Variants in KIAA1328 observed in about 807,000 individuals in gnomAD.
KIAA1328 encodes the protein KIAA1328, also known as protein hinderin.
In KIAA1328, 52 loss-of-function variants were observed where a neutral mutation model predicts 68.1. The observed-to-expected ratio is 0.76, with a 90% CI of 0.61 to 0.96. KIAA1328 has a LOEUF of 0.96. KIAA1328 is among the 40% of genes least tolerant of loss of function. KIAA1328 has a pLI of 0.00. For synonymous variants in KIAA1328, 232 were observed against 239.4 expected (o/e 0.97, Z 0.28); for missense variants, 641 against 677.6 (o/e 0.95, Z 0.60).
intron 6 of KIAA1328, among the ~76,000 whole-genome samples, chr18:36,964,918 GTGTCACTTCAC>G (rs1483501351): frequency 6.6e-6 from 1 of 150,768 alleles, no homozygotes; most frequent in Admixed American, 6.6e-5. Context: ...TCTAAACTTA[GTGTCACTTCAC>G]TTATGATGCT....
Position 37,223,547 on chromosome 18 carries a change from G to C in KIAA1328, c.*1320G>C. The C allele has an allele frequency of 1.6e-5, 16 of 985,388 alleles. No individual in the cohort carries two copies. Among genetic ancestry groups the C allele is most frequent in the Non-Finnish European group, 1.9e-5 (16 of 829,924 alleles). 61.0% of individuals were successfully genotyped at this position (985,388 alleles called of 1,614,324 possible). A position where few individuals can be genotyped will look rare whatever the true frequency, so the allele number is the denominator to read the frequency against. On this transcript the variant is annotated 3_prime_UTR_variant, in exon 10 of 10. Transcript: ENST00000280020. ...TGTGTATTACTTGGGAATTTTATTT[G>C]ATCTGGAGGGTGTGGCTTTTTTTCT...
intron 5 of KIAA1328, among the ~76,000 whole-genome samples, chr18:36,902,660 T>C (rs916740582): frequency 6.6e-5 from 10 of 152,076 alleles, no homozygotes; most frequent in Non-Finnish European, 1.5e-4. Context: ...ATCAAACAAT[T>C]GGGAGAACTT....
intron 7 of KIAA1328, chr18:37,084,471 TTTTTG>T: frequency 7.6e-6 from 2 of 262,704 alleles, no homozygotes; most frequent in Non-Finnish European, 7.0e-6. Flanking sequence ...TCTTTTTTGT[TTTTTG>T]TTTTTTTTTT....
chr18:36,977,409 CA>C (rs1358472428), intron 6 of KIAA1328, among the ~76,000 whole-genome samples: 6 of 152,146 alleles, frequency 3.9e-5, no homozygotes, highest in African/African-American at 4.8e-5. Context: ...TCAGAGCTCT[CA>C]AAAATGTGTA....
chr18:36,950,914 C>A (rs2051134073), intron 5 of KIAA1328, among the ~76,000 whole-genome samples: 2 of 152,156 alleles, frequency 1.3e-5, no homozygotes, highest in South Asian at 4.1e-4. Context: ...GTTCATCTAC[C>A]AAAACAGTCG....
chr18:36,959,929 C>T (rs760329719), intron 6 of KIAA1328, among the ~76,000 whole-genome samples: 5 of 152,016 alleles, frequency 3.3e-5, no homozygotes, highest in Admixed American at 6.5e-5. Context: ...TTTATATAAG[C>T]GTTTGTACAC....
chr18:37,059,161 T>C (rs1206053614), intron 6 of KIAA1328, among the ~76,000 whole-genome samples: 1 of 152,078 alleles, frequency 6.6e-6, no homozygotes, highest in East Asian at 1.9e-4. Context: ...TGTAAAATGG[T>C]AATTATAATA....
rs1452679432 is a variant in KIAA1328 at position 36,865,060 on chromosome 18, T to A, written c.333-20497T>A. Among the ~76,000 whole-genome samples, 3 of 151,934 alleles carry A rather than the reference T, an allele frequency of 2.0e-5. No homozygotes were observed. In the East Asian group the frequency reaches 5.8e-4, roughly 29 times the overall value. On this transcript the variant is annotated intron_variant, in intron 4 of 9. Coordinates refer to ENST00000280020, the MANE Select transcript of KIAA1328 (RefSeq NM_020776.3). ...TTTCATTGATTTTTTTTCACTCTTATCTCTATTATTTCCTTCCTTCTCATT... is the reference window on the plus strand; with the variant it reads ...TTTCATTGATTTTTTTTCACTCTTAACTCTATTATTTCCTTCCTTCTCATT...
intron 3 of KIAA1328, among the ~76,000 whole-genome samples, chr18:36,838,896 G>A (rs912285562): frequency 6.6e-6 from 1 of 151,956 alleles, no homozygotes; most frequent in Non-Finnish European, 1.5e-5. Flanking sequence ...CGCCACACCC[G>A]GCTAATTTTT....
chr18:37,175,449 A>G (rs1404643992), intron 9 of KIAA1328, among the ~76,000 whole-genome samples: 2 of 152,254 alleles, frequency 1.3e-5, no homozygotes, highest in African/African-American at 4.8e-5. Context: ...TTTGTCCTTA[A>G]TACTGCAGAT....
chr18:36,993,559 A>C (rs1568265867), intron 6 of KIAA1328, among the ~76,000 whole-genome samples: 1 of 152,192 alleles, frequency 6.6e-6, no homozygotes, highest in Non-Finnish European at 1.5e-5. Flanking sequence ...GTAATGGATC[A>C]AGTAGATATT....
At chr18:36,832,055 T>A (rs2150753037) in intron 1 of KIAA1328, among the ~76,000 whole-genome samples, 1 of 152,354 alleles carries the variant, frequency 6.6e-6, no homozygotes, top group Non-Finnish European at 1.5e-5. Flanking sequence ...GTAGGCCCAC[T>A]ATACATTTGG....
chr18:37,109,586 G>C (rs2057871673), intron 7 of KIAA1328, among the ~76,000 whole-genome samples: 1 of 152,078 alleles, frequency 6.6e-6, no homozygotes, highest in African/African-American at 2.4e-5. Context: ...ATATGTGTAT[G>C]AAAGTAGGGG....
At chr18:36,907,842 C>G (rs1024478690) in intron 5 of KIAA1328, among the ~76,000 whole-genome samples, 2 of 152,122 alleles carry the variant, frequency 1.3e-5, no homozygotes, top group Non-Finnish European at 2.9e-5. Flanking sequence ...CTCTTAAATT[C>G]GTGTTAAAAT....
intron 5 of KIAA1328, among the ~76,000 whole-genome samples, chr18:36,952,269 C>T (rs1194533226): frequency 6.6e-6 from 1 of 152,154 alleles, no homozygotes; most frequent in Non-Finnish European, 1.5e-5. Context: ...CCTTTCCTAA[C>T]TTCCCTCCAG....
chr18:37,047,864 C>T (rs762767724), intron 6 of KIAA1328, among the ~76,000 whole-genome samples: 3 of 152,126 alleles, frequency 2.0e-5, no homozygotes, highest in Non-Finnish European at 4.4e-5. Flanking sequence ...ACTTTCAGAT[C>T]CCCATCCTGC....
intron 7 of KIAA1328, among the ~76,000 whole-genome samples, chr18:37,114,830 G>T (rs565630796): frequency 6.6e-6 from 1 of 152,196 alleles, no homozygotes; most frequent in East Asian, 1.9e-4. Context: ...TGATAAAGGG[G>T]ATATCACCAC....
intron 6 of KIAA1328, among the ~76,000 whole-genome samples, chr18:36,982,141 A>G (rs1198197005): frequency 9.2e-6 from 1 of 108,264 alleles, no homozygotes; most frequent in African/African-American, 2.8e-5. Flanking sequence ...ATAAAAATAT[A>G]AATAAATATA....
At chr18:36,880,614 ATAG>A (rs895341705) in intron 4 of KIAA1328, among the ~76,000 whole-genome samples, 1 of 152,202 alleles carries the variant, frequency 6.6e-6, no homozygotes, top group African/African-American at 2.4e-5. Context: ...CAGAGGGGAT[ATAG>A]TAATAGCTGA....
Sources: allele counts gnomAD v4.1 joint callset (sites outside exome capture counted in the v4.1 genomes callset), GRCh38; gene constraint gnomAD v4.1.1; transcripts MANE v1.5; gene names NCBI Gene and HGNC (gene_info 2026-07-23, HGNC 2026-07-21).